Variants in TRAK1 observed in about 807,000 individuals in gnomAD.
TRAK1 encodes the protein trafficking kinesin-binding protein 1.
TRAK1 carries 33 observed loss-of-function variants against 92.1 expected under a neutral mutation model. That is an observed-to-expected ratio of 0.36 (90% CI 0.27 to 0.48). The LOEUF (loss-of-function observed/expected upper bound fraction) is 0.48, where lower values mean the gene tolerates loss of function less well. TRAK1 is among the 20% of genes least tolerant of loss of function. The pLI, the probability that TRAK1 is intolerant of heterozygous loss-of-function variation, is 0.99. For synonymous variants in TRAK1, 521 were observed against 517.3 expected, an observed-to-expected ratio of 1.01 and a Z score of -0.10; for missense variants, 1,123 against 1,257.9, an observed-to-expected ratio of 0.89 and a Z score of 1.62.
intron 1 of TRAK1, among the ~76,000 whole-genome samples, chr3:42,015,077 C>T (rs926119660): frequency 6.6e-6 from 1 of 152,086 alleles, no homozygotes; most frequent in African/African-American, 2.4e-5. Flanking sequence ...AGGGTCTCCC[C>T]AGATTGAGTG....
chr3:42,066,938 TG>T (rs1227686739), intron 1 of TRAK1, among the ~76,000 whole-genome samples: 1 of 152,204 alleles, frequency 6.6e-6, no homozygotes, highest in East Asian at 1.9e-4. Flanking sequence ...CACTGTTTCC[TG>T]GGGGATTCTT....
Position 42,188,090 on chromosome 3 carries a change from C to T in TRAK1, c.526C>T (p.Gln176Ter). ...GCTGTCCATGAAGGATGAGCTGCTT[C>T]AGTTCTACACCAGCGCTGCGGAGGA... ...HELSMKDELL[Q>*]FYTSAAEESE... The change falls in exon 5 of 16, where the codon CAG becomes TAG. Residue 176 changes from glutamine (Q) to a stop codon, truncating the protein, a stop_gained. Coordinates refer to ENST00000327628, the MANE Select transcript of TRAK1 (RefSeq NM_001042646.3). LOFTEE classifies it high-confidence loss of function. 6.2e-7 allele frequency: 1 copy of T among 1,613,940 alleles called. No homozygotes were observed. The highest frequency in any genetic ancestry group is 8.5e-7 in the Non-Finnish European group (1 of 1,179,990).
chr3:42,151,212 T>A (rs1699910698), intron 2 of TRAK1: 1 of 379,218 alleles, frequency 2.6e-6, no homozygotes, highest in African/African-American at 2.1e-5. Context: ...ATGACCCAAA[T>A]GCCACACCAT....
intron 2 of TRAK1, chr3:42,151,310 C>T: frequency 2.2e-6 from 1 of 456,060 alleles, no homozygotes; most frequent in Non-Finnish European, 4.4e-6. Flanking sequence ...ATCTGGGTAT[C>T]CATCAGAAGG....
chr3:42,019,014 C>T (rs1239288872), intron 1 of TRAK1, among the ~76,000 whole-genome samples: 1 of 151,752 alleles, frequency 6.6e-6, no homozygotes, highest in Non-Finnish European at 1.5e-5. Context: ...CCCAGCTACT[C>T]GGGAGGCTGA....
intron 1 of TRAK1, among the ~76,000 whole-genome samples, chr3:42,047,820 T>A (rs543299847): frequency 1.3e-5 from 2 of 152,270 alleles, no homozygotes; most frequent in East Asian, 3.9e-4. Flanking sequence ...GAAACTTCTG[T>A]GTGTGTTACG....
intron 1 of TRAK1, among the ~76,000 whole-genome samples, chr3:42,117,367 C>T (rs1235412965): frequency 6.6e-6 from 1 of 152,110 alleles, no homozygotes; most frequent in East Asian, 1.9e-4. Flanking sequence ...CGGCTTCCAG[C>T]AGGTGGCAGT....
chr3:42,030,689 AAT>A (rs57651073), intron 1 of TRAK1, among the ~76,000 whole-genome samples: 44 of 97,640 alleles, frequency 4.5e-4, no homozygotes, highest in African/African-American at 2.4e-3. Flanking sequence ...AAAAAAAAAG[AAT>A]ATATATATAT....
Position 42,194,751 on chromosome 3 carries a change from G to C in TRAK1, c.976-53G>C, listed in dbSNP as rs72869992. The C allele has an allele frequency of 2.6e-3, 4,204 of 1,599,556 alleles. 95 individuals are homozygous for C. The African/African-American group carries it at 0.047, about 18-fold the overall frequency. Reference sequence around the variant, plus strand: ...CTGGCCTTCGGATGGGCAGATGTGTGTACACCTGGGTGCTCAGGAGATCCT... The same window carrying C: ...CTGGCCTTCGGATGGGCAGATGTGTCTACACCTGGGTGCTCAGGAGATCCT... On this transcript the variant is annotated intron_variant, in intron 9 of 15. Transcript: ENST00000327628.
chr3:42,123,182 T>A (rs1005658267), intron 1 of TRAK1, among the ~76,000 whole-genome samples: 1 of 152,152 alleles, frequency 6.6e-6, no homozygotes, highest in Non-Finnish European at 1.5e-5. Context: ...AACTCTACGT[T>A]CTCTTTTCTC....
chr3:42,191,781 T>G, intron 7 of TRAK1, 145 bp downstream of exon 7: 1 of 712,294 alleles, frequency 1.4e-6, no homozygotes, highest in Non-Finnish European at 2.2e-6. Context: ...TCCCCAACCT[T>G]GTGTGGCACC....
intron 2 of TRAK1, among the ~76,000 whole-genome samples, chr3:42,150,399 G>T (rs1699828748): frequency 6.6e-6 from 1 of 152,106 alleles, no homozygotes; most frequent in African/African-American, 2.4e-5. Context: ...TCAAAATTGT[G>T]TATTACACAG....
intron 1 of TRAK1, among the ~76,000 whole-genome samples, chr3:42,046,070 A>G (rs369757852): frequency 2.6e-5 from 4 of 152,244 alleles, no homozygotes; most frequent in East Asian, 1.9e-4. Flanking sequence ...CCTTGTGCCT[A>G]CACATCTCTG....
intron 1 of TRAK1, among the ~76,000 whole-genome samples, chr3:42,102,022 A>G (rs935841700): frequency 3.3e-5 from 5 of 152,214 alleles, no homozygotes; most frequent in East Asian, 1.9e-4. Flanking sequence ...GTCTCACTCT[A>G]TCACCTAGGC....
chr3:42,199,746 A>G (rs1707258262), intron 11 of TRAK1, among the ~76,000 whole-genome samples: 2 of 152,214 alleles, frequency 1.3e-5, no homozygotes, highest in Admixed American at 1.3e-4. Flanking sequence ...GGCGTGAGCC[A>G]CCACTGGCCT....
intron 2 of TRAK1, among the ~76,000 whole-genome samples, chr3:42,144,274 AAAAAG>A (rs1559828213): frequency 6.6e-6 from 1 of 152,196 alleles, no homozygotes; most frequent in Non-Finnish European, 1.5e-5. Flanking sequence ...CCTTAAAAAA[AAAAAG>A]AAAGATTAGA....
intron 6 of TRAK1, among the ~76,000 whole-genome samples, chr3:42,190,492 A>G (rs1705553597): frequency 6.6e-6 from 1 of 152,122 alleles, no homozygotes; most frequent in Non-Finnish European, 1.5e-5. Context: ...TCTGCCAGCC[A>G]GTTGCTGGGC....
chr3:42,070,574 C>T (rs955777590), intron 1 of TRAK1, among the ~76,000 whole-genome samples: 3 of 152,106 alleles, frequency 2.0e-5, no homozygotes, highest in Non-Finnish European at 2.9e-5. Flanking sequence ...ACCACAGGTG[C>T]GCACTGCTGT....
At position 42,189,094 on chromosome 3, in the gene TRAK1, T is replaced by C. The variant is rs1283153683; in HGVS notation, c.660T>C (p.Leu220=). 1.2e-6 allele frequency: 2 copies of C among 1,614,074 alleles called. No homozygotes were observed. Among genetic ancestry groups the C allele is most frequent in the Non-Finnish European group, 1.7e-6 (2 of 1,179,910 alleles). The change falls in exon 6 of 16, where the codon CTT becomes CTC. Residue 220 remains leucine (L), a synonymous_variant. Coordinates refer to ENST00000327628, the MANE Select transcript of TRAK1 (RefSeq NM_001042646.3). ...LDSLQKKLKD[L]EEENVVLRSE... is the part of the protein sequence containing the mutation. ...CTCTTCAAAAGAAGCTGAAAGACCTTGAAGAGGAGAATGTTGTACTTCGAT... is the reference window on the plus strand; with the variant it reads ...CTCTTCAAAAGAAGCTGAAAGACCTCGAAGAGGAGAATGTTGTACTTCGAT...
Sources: allele counts gnomAD v4.1 joint callset (sites outside exome capture counted in the v4.1 genomes callset), GRCh38; gene constraint gnomAD v4.1.1; transcripts MANE v1.5; gene names NCBI Gene and HGNC (gene_info 2026-07-23, HGNC 2026-07-21).